NFIB: variants seen among roughly 807,000 people sequenced by gnomAD.
NFIB encodes the protein nuclear factor I B, also known as nuclear factor 1 B-type.
NFIB carries 11 observed loss-of-function variants against 61.5 expected under a neutral mutation model. That is an observed-to-expected ratio of 0.18 (90% CI 0.11 to 0.30). The LOEUF (loss-of-function observed/expected upper bound fraction) is 0.30. Ranked by LOEUF, NFIB falls within the 10% of genes least tolerant of loss-of-function variation. The pLI, the probability that NFIB is intolerant of heterozygous loss-of-function variation, is 1.00. For missense variants in NFIB, 471 were observed against 608.9 expected (o/e 0.77, Z 2.38); for synonymous variants, 260 against 216.5 (o/e 1.20, Z -1.76).
rs71321962 is a variant in NFIB, at chr9:14,097,875, C to CTTTTTTTTT, written c.1468-9558_1468-9550dup. ...CTTTTTTTTTCTTTCTTTCTTTTTT[C>CTTTTTTTTT]TTTTTTTTTTTTTTTTTTGCCCTCC... On this transcript the variant is annotated intron_variant, in intron 10 of 10. Transcript: ENST00000380953. Among the ~76,000 whole-genome samples the CTTTTTTTTT allele has an allele frequency of 3.4e-3, 372 of 110,840 alleles. 7 individuals carry two copies. The highest frequency in any genetic ancestry group is 0.01 in the African/African-American group (301 of 29,460). 72.7% of individuals were successfully genotyped at this position (110,840 alleles called of 152,430 possible). A position where few individuals can be genotyped will look rare whatever the true frequency, so the allele number is the denominator to read the frequency against.
intron 2 of NFIB, among the ~76,000 whole-genome samples, chr9:14,228,659 G>C (rs2052745107): frequency 6.6e-6 from 1 of 152,172 alleles, no homozygotes; most frequent in African/African-American, 2.4e-5. Context: ...AGGTATGCTT[G>C]ATTTTGAAAA....
chr9:14,252,999 G>C (rs1587940908), intron 2 of NFIB, among the ~76,000 whole-genome samples: 1 of 151,838 alleles, frequency 6.6e-6, no homozygotes, highest in East Asian at 1.9e-4. Flanking sequence ...AGGCAGGTTG[G>C]TTTCTACAAA....
rs550100877 is a variant in NFIB at position 14,392,150 on chromosome 9, T to G, written c.108+6374A>C. Among the ~76,000 whole-genome samples the G allele has an allele frequency of 3.3e-5, 5 of 152,276 alleles. No individual in the cohort carries two copies. In the South Asian group the frequency reaches 6.2e-4, roughly 19 times the overall value. On this transcript the variant is annotated intron_variant, in intron 1 of 8. Coordinates refer to the NFIB transcript ENST00000380934. ...CAAAAACAAGGAAAGTCTGAGAAACTGCCACAGCCAAGAGGAGCCAAAGAA... is the reference window on the plus strand; with the variant it reads ...CAAAAACAAGGAAAGTCTGAGAAACGGCCACAGCCAAGAGGAGCCAAAGAA...
intron 2 of NFIB, among the ~76,000 whole-genome samples, chr9:14,292,797 A>G (rs1290741905): frequency 6.6e-6 from 1 of 152,224 alleles, no homozygotes; most frequent in Admixed American, 6.5e-5. Flanking sequence ...AATAATTTAG[A>G]GTCTAATTTT....
the NFIB span, among the ~76,000 whole-genome samples, chr9:14,530,409 A>AGAGG: frequency 3.6e-5 from 5 of 139,406 alleles, no homozygotes; most frequent in East Asian, 1.2e-3. Flanking sequence ...GGGGAAAGAG[A>AGAGG]GAGGGAGAGA....
the NFIB span, among the ~76,000 whole-genome samples, chr9:14,514,654 G>T: frequency 1.3e-4 from 20 of 152,114 alleles, no homozygotes; most frequent in African/African-American, 4.8e-4. Context: ...TTGAGAGATG[G>T]CTGAATTGAT....
chr9:14,443,832 T>C, the NFIB span, among the ~76,000 whole-genome samples: 1 of 152,216 alleles, frequency 6.6e-6, no homozygotes, highest in African/African-American at 2.4e-5. Context: ...ATATTCTCAC[T>C]GCTGAGCATA....
chr9:14,090,737 C>A (rs2033771854), intron 10 of NFIB, among the ~76,000 whole-genome samples: 1 of 151,986 alleles, frequency 6.6e-6, no homozygotes. Context: ...AATTGCTTTG[C>A]AAAATTAACA....
intron 2 of NFIB, among the ~76,000 whole-genome samples, chr9:14,295,505 C>T (rs948215295): frequency 3.9e-5 from 6 of 151,966 alleles, no homozygotes; most frequent in African/African-American, 7.3e-5. Context: ...GGGAAGGGCG[C>T]CTGTAGTCCC....
At chr9:14,406,804 G>C in the NFIB span, among the ~76,000 whole-genome samples, 1 of 152,210 alleles carries the variant, frequency 6.6e-6, no homozygotes, top group Non-Finnish European at 1.5e-5. Flanking sequence ...TCAGGTCAAG[G>C]TGATCCTGGA....
At chr9:14,329,589 A>C (rs1056790505) in intron 1 of NFIB, among the ~76,000 whole-genome samples, 1 of 151,768 alleles carries the variant, frequency 6.6e-6, no homozygotes, top group Non-Finnish European at 1.5e-5. Context: ...ACCTCGGCTC[A>C]CTGCAACCTC....
At chr9:14,258,292 G>A (rs540381391) in intron 2 of NFIB, among the ~76,000 whole-genome samples, 1 of 152,308 alleles carries the variant, frequency 6.6e-6, no homozygotes, top group East Asian at 1.9e-4. Flanking sequence ...AATGCTTTCA[G>A]GATTATGCTG....
At chr9:14,273,603 T>C (rs991514827) in intron 2 of NFIB, among the ~76,000 whole-genome samples, 2 of 152,118 alleles carry the variant, frequency 1.3e-5, no homozygotes, top group Admixed American at 6.6e-5. Context: ...AGTAAATAAA[T>C]TATTTTGTGA....
chr9:14,502,112 T>C, the NFIB span, among the ~76,000 whole-genome samples: 1 of 152,176 alleles, frequency 6.6e-6, no homozygotes, highest in African/African-American at 2.4e-5. Flanking sequence ...CAGCACTTAA[T>C]TGTGAGTTTT....
At chr9:14,158,004 G>A (rs866177490) in intron 3 of NFIB, among the ~76,000 whole-genome samples, 25 of 151,568 alleles carry the variant, frequency 1.6e-4, no homozygotes, top group South Asian at 6.3e-4. Context: ...TCAGCTACTC[G>A]GGAGGCCGAG....
the NFIB span, among the ~76,000 whole-genome samples, chr9:14,430,317 G>T: frequency 1.3e-5 from 2 of 151,004 alleles, no homozygotes; most frequent in African/African-American, 4.9e-5. Flanking sequence ...ATTATACAGC[G>T]AATTAAGACT....
chr9:14,509,721 G>C, the NFIB span, among the ~76,000 whole-genome samples: 2 of 152,228 alleles, frequency 1.3e-5, no homozygotes, highest in East Asian at 1.9e-4. Context: ...GAAGCACCAG[G>C]ACAAAATGGA....
chr9:14,218,483 C>T (rs374732301), intron 2 of NFIB, among the ~76,000 whole-genome samples: 48 of 152,282 alleles, frequency 3.2e-4, no homozygotes, highest in African/African-American at 1.1e-3. Context: ...TAATGTGAGA[C>T]GCTGAAGGTG....
intron 2 of NFIB, among the ~76,000 whole-genome samples, chr9:14,199,325 C>A (rs955832108): frequency 1.3e-5 from 2 of 152,196 alleles, no homozygotes; most frequent in Non-Finnish European, 2.9e-5. Flanking sequence ...AGTAGTGCGG[C>A]AGGGTGAACC....
Sources: gnomAD v4.1 joint callset for allele counts (sites outside exome capture counted in the v4.1 genomes callset) on GRCh38, gnomAD v4.1.1 for gene constraint, MANE v1.5 for transcripts, NCBI Gene and HGNC (gene_info 2026-07-23, HGNC 2026-07-21) for gene names.